Variants in DPF3 observed in about 807,000 individuals in gnomAD.
DPF3 encodes double PHD fingers 3.
Under a neutral mutation model 56.8 loss-of-function variants are expected in DPF3, and 18 were observed. The ratio of observed to expected loss-of-function variants is 0.32; its 90% CI spans 0.22 to 0.47. The LOEUF is 0.47. Ranked by LOEUF, DPF3 falls within the 20% of genes least tolerant of loss-of-function variation. DPF3 has a pLI of 1.00. For missense variants in DPF3, 403 were observed against 488.8 expected (o/e 0.82, Z 1.65); for synonymous variants, 188 against 180.2 (o/e 1.04, Z -0.35).
intron 1 of DPF3, chr14:72,853,214 G>GC (rs1885052623): frequency 6.7e-6 from 1 of 148,546 alleles, no homozygotes; most frequent in African/African-American, 2.5e-5. Flanking sequence ...GCATGTTGTT[G>GC]TTTTTTTTTT....
intron 7 of DPF3, among the ~76,000 whole-genome samples, chr14:72,689,610 A>C (rs944867503): frequency 6.6e-6 from 1 of 152,138 alleles, no homozygotes; most frequent in African/African-American, 2.4e-5. Context: ...CTATCCCCAA[A>C]CAGTGGGAGC....
chr14:72,784,158 G>A (rs1479708218), intron 1 of DPF3, among the ~76,000 whole-genome samples: 1 of 152,168 alleles, frequency 6.6e-6, no homozygotes, highest in South Asian at 2.1e-4. Flanking sequence ...CCGCAAAGTT[G>A]AGAGTCACCC....
chr14:72,690,845 G>C (rs1887649241), intron 7 of DPF3, among the ~76,000 whole-genome samples: 2 of 152,218 alleles, frequency 1.3e-5, no homozygotes, highest in African/African-American at 2.4e-5. Context: ...ACACTTTAGA[G>C]AGCGCGACAA....
chr14:72,865,769 G>A (rs1020303380), intron 1 of DPF3, among the ~76,000 whole-genome samples: 3 of 152,210 alleles, frequency 2.0e-5, no homozygotes, highest in South Asian at 2.1e-4. Context: ...GCACTAGGCC[G>A]GGTGCATCGG....
intron 6 of DPF3, among the ~76,000 whole-genome samples, chr14:72,703,234 T>C (rs918477012): frequency 2.6e-5 from 4 of 152,122 alleles, no homozygotes; most frequent in African/African-American, 9.7e-5. Context: ...CCACCCTTGA[T>C]GCTTATTTTA....
chr14:72,828,333 C>T (rs1029084596), intron 1 of DPF3, among the ~76,000 whole-genome samples: 1 of 151,982 alleles, frequency 6.6e-6, no homozygotes, highest in Non-Finnish European at 1.5e-5. Context: ...TCCCTGTCTC[C>T]AGGGTCTGGG....
At chr14:72,730,935 G>A (rs1889613381) in intron 4 of DPF3, among the ~76,000 whole-genome samples, 1 of 152,132 alleles carries the variant, frequency 6.6e-6, no homozygotes, top group Non-Finnish European at 1.5e-5. Context: ...CTGGGAGGCT[G>A]AGGCAGGCGA....
intron 3 of DPF3, among the ~76,000 whole-genome samples, chr14:72,750,254 C>T (rs754501338): frequency 6.6e-6 from 1 of 152,106 alleles, no homozygotes; most frequent in Non-Finnish European, 1.5e-5. Flanking sequence ...ACAAAAATTG[C>T]TGTATGACTT....
At position 72,629,855 on chromosome 14, in the gene DPF3, G is replaced by A. The variant is rs28687567; in HGVS notation, c.872-119C>T. The A allele has an allele frequency of 6.8e-3, 5,682 of 839,286 alleles. 219 individuals are homozygous for A. The African/African-American group carries it at 0.083, about 12-fold the overall frequency. The allele number at this position is 839,286 out of a possible 1,614,324, so 52.0% of individuals were successfully genotyped here. A position where few individuals can be genotyped will look rare whatever the true frequency, so the allele number is the denominator to read the frequency against. Reference sequence around the variant, plus strand: ...AGGCAGGGCAGGGTAGCATGACGTAGGGAAAAAAATGGGGACCCAAACAGG... The same window carrying A: ...AGGCAGGGCAGGGTAGCATGACGTAAGGAAAAAAATGGGGACCCAAACAGG... On this transcript the variant is annotated intron_variant, in intron 8 of 10. Transcript: ENST00000556509.
At chr14:72,627,434 G>C (rs545950005) in intron 9 of DPF3, among the ~76,000 whole-genome samples, 18 of 152,146 alleles carry the variant, frequency 1.2e-4, no homozygotes, top group African/African-American at 4.3e-4. Flanking sequence ...TTTTAGATGT[G>C]ACCCTTACCC....
intron 5 of DPF3, among the ~76,000 whole-genome samples, chr14:72,716,917 C>T (rs1395177683): frequency 6.6e-6 from 1 of 152,182 alleles, no homozygotes; most frequent in African/African-American, 2.4e-5. Flanking sequence ...TCTACCTCCA[C>T]ATTGCCCCCC....
At chr14:72,887,152 AACACACACAC>A (rs149200705) in intron 1 of DPF3, among the ~76,000 whole-genome samples, 82 of 138,126 alleles carry the variant, frequency 5.9e-4, no homozygotes, top group Middle Eastern at 7.5e-3. Context: ...TCTGCCTCCA[AACACACACAC>A]ACACACACAC....
intron 6 of DPF3, among the ~76,000 whole-genome samples, chr14:72,695,639 T>C (rs1295645152): frequency 1.3e-5 from 2 of 152,164 alleles, no homozygotes; most frequent in East Asian, 3.8e-4. Flanking sequence ...CGGAATATCC[T>C]GAACACTGGG....
chr14:72,870,381 G>T (rs1483195727), intron 1 of DPF3, among the ~76,000 whole-genome samples: 2 of 152,328 alleles, frequency 1.3e-5, no homozygotes, highest in South Asian at 4.1e-4. Flanking sequence ...CCTTAGAGGA[G>T]GTAGCCATGA....
At chr14:72,647,535 G>C (rs546962918) in intron 8 of DPF3, among the ~76,000 whole-genome samples, 1 of 152,190 alleles carries the variant, frequency 6.6e-6, no homozygotes, top group Non-Finnish European at 1.5e-5. Flanking sequence ...AAAGCATTTA[G>C]ATTATTTCCT....
At chr14:72,803,298 T>C (rs1379555091) in intron 1 of DPF3, among the ~76,000 whole-genome samples, 1 of 152,154 alleles carries the variant, frequency 6.6e-6, no homozygotes, top group African/African-American at 2.4e-5. Context: ...GAGGTAGTCA[T>C]CCCATTCAGA....
intron 6 of DPF3, among the ~76,000 whole-genome samples, chr14:72,701,755 T>C (rs1888173264): frequency 6.6e-6 from 1 of 152,172 alleles, no homozygotes; most frequent in South Asian, 2.1e-4. Flanking sequence ...AAGCAGTGAC[T>C]GAAGGCAATT....
intron 8 of DPF3, among the ~76,000 whole-genome samples, chr14:72,673,811 G>A (rs61994455): frequency 6.6e-6 from 1 of 152,106 alleles, no homozygotes; most frequent in African/African-American, 2.4e-5. Context: ...GTTGCTCTCC[G>A]AATACTCATG....
At chr14:72,855,171 C>T (rs1485754498) in intron 1 of DPF3, among the ~76,000 whole-genome samples, 2 of 152,120 alleles carry the variant, frequency 1.3e-5, no homozygotes, top group African/African-American at 4.8e-5. Flanking sequence ...GGCCCGGTGA[C>T]GATCACGCCT....
Sources: allele counts gnomAD v4.1 joint callset (sites outside exome capture counted in the v4.1 genomes callset), GRCh38; gene constraint gnomAD v4.1.1; transcripts MANE v1.5; gene names NCBI Gene and HGNC (gene_info 2026-07-23, HGNC 2026-07-21).